Variants in FRA10AC1 observed in about 807,000 individuals in gnomAD.
FRA10AC1 encodes the protein protein FRA10AC1.
Under a neutral mutation model 56.5 loss-of-function variants are expected in FRA10AC1, and 43 were observed. That is an observed-to-expected ratio of 0.76 (90% CI 0.60 to 0.98). The LOEUF (loss-of-function observed/expected upper bound fraction) is 0.98, where lower values mean the gene tolerates loss of function less well. Among genes scored for constraint, FRA10AC1 ranks in the 50% least tolerant of loss-of-function variants. FRA10AC1 has a pLI of 0.00. For missense variants in FRA10AC1, 346 were observed against 351.8 expected (o/e 0.98, Z 0.13); for synonymous variants, 112 against 110.5 (o/e 1.01, Z -0.09).
In FRA10AC1 at chr10:93,684,015, G is replaced by A. The variant is rs377505966; in HGVS notation, c.668+41C>T. The A allele has an allele frequency of 1.5e-5, 20 of 1,322,848 alleles. No individual in the cohort carries two copies. The African/African-American group carries it at 2.5e-4, about 16-fold the overall frequency. 81.9% of individuals were successfully genotyped at this position (1,322,848 alleles called of 1,614,324 possible). ...TAGTGCAGGTAAATGACTATATCCT[G>A]GATTACTAAACATTAAGAATGGCAT... On this transcript the variant is annotated intron_variant, in intron 10 of 13. Transcript: ENST00000359204.
intron 8 of FRA10AC1, among the ~76,000 whole-genome samples, 178 bp downstream of exon 8, chr10:93,687,226 T>C (rs2059044975): frequency 6.6e-6 from 1 of 151,884 alleles, no homozygotes; most frequent in Non-Finnish European, 1.5e-5. Context: ...AAGGTAATAA[T>C]CATTAAAGCA....
At chr10:93,683,931 C>A in intron 10 of FRA10AC1, 125 bp downstream of exon 10, 1 of 676,734 alleles carries the variant, frequency 1.5e-6, no homozygotes, top group South Asian at 2.0e-5. Context: ...GACAATGCCA[C>A]ATTTTCTACA....
chr10:93,692,747 T>C lies in FRA10AC1; in HGVS notation c.297-18A>G. 1.3e-6 allele frequency: 2 copies of C among 1,527,428 alleles called. No individual in the cohort carries two copies. Among genetic ancestry groups the C allele is most frequent in the East Asian group, 2.4e-5 (1 of 42,080 alleles). The allele number at this position is 1,527,428 out of a possible 1,614,324, so 94.6% of individuals were successfully genotyped here. ...CATTTTCCCTGGAAAACAGAACTTT[T>C]TCAATTTAATACAAAAACAAAAGTA... On this transcript the variant is annotated intron_variant, in intron 5 of 13. Coordinates refer to ENST00000359204, the MANE Select transcript of FRA10AC1 (RefSeq NM_145246.5).
At chr10:93,675,642 C>T in intron 12 of FRA10AC1, 1 of 368,216 alleles carries the variant, frequency 2.7e-6, no homozygotes, top group Non-Finnish European at 5.8e-6. Context: ...GAAGCAGGGG[C>T]TGCAGTCAGC....
At chr10:93,687,518 A>G in intron 7 of FRA10AC1, 69 bp from the exon 8 acceptor site, 1 of 1,325,502 alleles carries the variant, frequency 7.5e-7, no homozygotes, top group Non-Finnish European at 1.0e-6. Flanking sequence ...ACATGGAGCC[A>G]ACAATGACAT....
chr10:93,699,030 C>T (rs2059283759), intron 2 of FRA10AC1, among the ~76,000 whole-genome samples: 2 of 152,152 alleles, frequency 1.3e-5, no homozygotes, highest in Non-Finnish European at 2.9e-5. Flanking sequence ...CACTGTAGTA[C>T]GTGGCCCAAG....
chr10:93,687,008 AT>A (rs2059039648), intron 8 of FRA10AC1, among the ~76,000 whole-genome samples: 1 of 151,932 alleles, frequency 6.6e-6, no homozygotes, highest in Admixed American at 6.6e-5. Context: ...TTAAAGTGAT[AT>A]TTAACTTCTA....
At chr10:93,675,644 G>A in intron 12 of FRA10AC1, 2 of 369,292 alleles carry the variant, frequency 5.4e-6, no homozygotes, top group Admixed American at 2.7e-5. Flanking sequence ...AGCAGGGGCT[G>A]CAGTCAGCTG....
At chr10:93,696,610 A>G (rs780168194) in intron 4 of FRA10AC1, among the ~76,000 whole-genome samples, 4 of 152,360 alleles carry the variant, frequency 2.6e-5, no homozygotes, top group Non-Finnish European at 5.9e-5. Context: ...CTGGGTATAT[A>G]CCAAAAGGAA....
chr10:93,685,430 CCTAAAATGTACTT>C (rs1800773920), intron 8 of FRA10AC1, 71 bp from the exon 9 acceptor site: 1 of 706,584 alleles, frequency 1.4e-6, no homozygotes, highest in Admixed American at 2.6e-5. Flanking sequence ...TAGTATTACC[CCTAAAATGTACTT>C]CTAAAATATG....
In FRA10AC1 at chr10:93,668,153, T is replaced by C. The variant is rs2058708933; in HGVS notation, c.*1673A>G. 1 of 152,224 alleles carries C rather than the reference T, an allele frequency of 6.6e-6. No individual in the cohort carries two copies. The highest frequency in any genetic ancestry group is 6.5e-5 in the Admixed American group (1 of 15,278). The allele number at this position is 152,224 out of a possible 1,614,324, so 9.4% of individuals were successfully genotyped here. On this transcript the variant is annotated 3_prime_UTR_variant, in exon 14 of 14. Transcript: ENST00000359204. The stretch of plus-strand genomic sequence containing the variant: ...TTAAAATGATACCAAATTACTCATT[T>C]TGCAGTTTATTGCCAATCATTCCGT...
At chr10:93,679,553 A>G (rs573668027) in intron 11 of FRA10AC1, among the ~76,000 whole-genome samples, 1 of 152,278 alleles carries the variant, frequency 6.6e-6, no homozygotes, top group South Asian at 2.1e-4. Context: ...CCTAAAATTG[A>G]AAGAGGCTTG....
intron 4 of FRA10AC1, 119 bp from the exon 5 acceptor site, chr10:93,695,056 C>A: frequency 1.6e-6 from 1 of 633,442 alleles, no homozygotes; most frequent in East Asian, 2.7e-5. Flanking sequence ...TAAAAATATT[C>A]ACACACTATA....
intron 9 of FRA10AC1, among the ~76,000 whole-genome samples, 189 bp downstream of exon 9, chr10:93,685,057 A>G (rs2059000730): frequency 6.6e-6 from 1 of 152,106 alleles, no homozygotes; most frequent in Non-Finnish European, 1.5e-5. Flanking sequence ...TTACTGAAAC[A>G]CCACTGTAAT....
At position 93,668,088 on chromosome 10, in the gene FRA10AC1, T is replaced by C. The variant is rs1253019969; in HGVS notation, c.*1738A>G. 1 of 152,204 alleles carries C rather than the reference T, an allele frequency of 6.6e-6. No individual in the cohort carries two copies. Among genetic ancestry groups the C allele is most frequent in the Non-Finnish European group, 1.5e-5 (1 of 68,028 alleles). 9.4% of individuals were successfully genotyped at this position (152,204 alleles called of 1,614,324 possible). A position where few individuals can be genotyped will look rare whatever the true frequency, so the allele number is the denominator to read the frequency against. On this transcript the variant is annotated 3_prime_UTR_variant, in exon 14 of 14. Transcript: ENST00000359204. ...GATAAATATTTGTGGAATTAATGAATAACTGTTTAATAAAAGGAAAATCTC... is the reference window on the plus strand; with the variant it reads ...GATAAATATTTGTGGAATTAATGAACAACTGTTTAATAAAAGGAAAATCTC...
chr10:93,684,200 T>TA, intron 9 of FRA10AC1, 102 bp from the exon 10 acceptor site: 1 of 804,122 alleles, frequency 1.2e-6, no homozygotes, highest in Non-Finnish European at 2.1e-6. Context: ...TCCATTACTA[T>TA]AAGAGGGTAA....
intron 7 of FRA10AC1, among the ~76,000 whole-genome samples, chr10:93,688,997 T>C (rs1206504148): frequency 2.6e-5 from 4 of 152,004 alleles, no homozygotes; most frequent in Non-Finnish European, 5.9e-5. Context: ...ACCGGATTGT[T>C]ATAGTAAGAC....
chr10:93,692,839 T>C, intron 5 of FRA10AC1, 110 bp from the exon 6 acceptor site: 1 of 572,610 alleles, frequency 1.7e-6, no homozygotes, highest in Non-Finnish European at 3.0e-6. Flanking sequence ...TACATGAAGA[T>C]AGTTTTTTGG....
At chr10:93,681,679 CA>C in intron 10 of FRA10AC1, 81 bp from the exon 11 acceptor site, 2 of 1,265,352 alleles carry the variant, frequency 1.6e-6, no homozygotes, top group Non-Finnish European at 2.1e-6. Flanking sequence ...AACAAAAAAC[CA>C]AAATCAGTTA....
Sources: allele counts gnomAD v4.1 joint callset (sites outside exome capture counted in the v4.1 genomes callset), GRCh38; gene constraint gnomAD v4.1.1; transcripts MANE v1.5; gene names NCBI Gene and HGNC (gene_info 2026-07-23, HGNC 2026-07-21).